The following CDK14 variants were observed in gnomAD, a reference collection of about 807,000 sequenced individuals.
CDK14 encodes the protein cyclin dependent kinase 14.
CDK14 carries 34 observed loss-of-function variants against 60.7 expected under a neutral mutation model. The observed-to-expected ratio is 0.56, with a 90% confidence interval of 0.43 to 0.75. The LOEUF (loss-of-function observed/expected upper bound fraction) is 0.75, where lower values mean the gene tolerates loss of function less well. CDK14 is among the 30% of genes least tolerant of loss of function. The probability of loss-of-function intolerance (pLI) is 0.00; values close to 1 mark genes in which losing one functional copy is unlikely to be tolerated. For synonymous variants in CDK14, 197 were observed against 203.7 expected, an observed-to-expected ratio of 0.97 and a Z score of 0.28; for missense variants, 482 against 564.1, an observed-to-expected ratio of 0.85 and a Z score of 1.47.
chr7:90,911,164 G>A (rs144776198), intron 7 of CDK14, among the ~76,000 whole-genome samples: 96 of 152,250 alleles, frequency 6.3e-4, no homozygotes, highest in African/African-American at 2.1e-3. Context: ...TATTGAATGT[G>A]TATAATACAC....
At chr7:90,895,399 T>C (rs1228148087) in intron 6 of CDK14, among the ~76,000 whole-genome samples, 151 of 8,678 alleles carry the variant, frequency 0.017, 6 homozygotes, top group South Asian at 0.062. Context: ...TCCTCTCCTC[T>C]CCTCTCCTCT....
chr7:90,764,278 T>C (rs3808223), intron 4 of CDK14, among the ~76,000 whole-genome samples: 29,049 of 152,186 alleles, frequency 0.19, 2,897 homozygotes, highest in South Asian at 0.24. Context: ...AAAATTCAAA[T>C]GACCTACTCA....
At chr7:90,643,480 C>A (rs2116450026) in intron 2 of CDK14, among the ~76,000 whole-genome samples, 1 of 152,002 alleles carries the variant, frequency 6.6e-6, no homozygotes, top group East Asian at 1.9e-4. Flanking sequence ...TGATATACAC[C>A]ATATGGAAAT....
intron 2 of CDK14, among the ~76,000 whole-genome samples, chr7:90,715,197 CA>C (rs1328681204): frequency 6.6e-6 from 1 of 151,990 alleles, no homozygotes; most frequent in East Asian, 1.9e-4. Context: ...ACAAAGAAGC[CA>C]GGGGTGGTTT....
At chr7:90,963,126 T>G (rs1794653959) in intron 9 of CDK14, among the ~76,000 whole-genome samples, 1 of 151,254 alleles carries the variant, frequency 6.6e-6, no homozygotes. Context: ...TGTGTGTGTT[T>G]TAATTTAGAA....
At chr7:91,091,906 G>T (rs375925347) in intron 12 of CDK14, among the ~76,000 whole-genome samples, 1 of 151,852 alleles carries the variant, frequency 6.6e-6, no homozygotes, top group East Asian at 1.9e-4. Flanking sequence ...TTAGTTTTAA[G>T]ACATCAGTAG....
intron 9 of CDK14, chr7:90,979,674 C>T (rs1795177784): frequency 6.6e-6 from 1 of 152,122 alleles, no homozygotes; most frequent in Non-Finnish European, 1.5e-5. Flanking sequence ...GACATACCCC[C>T]AAACCAATGT....
At chr7:90,868,146 T>A (rs545371430) in intron 6 of CDK14, among the ~76,000 whole-genome samples, 58 of 151,836 alleles carry the variant, frequency 3.8e-4, no homozygotes, top group African/African-American at 1.3e-3. Context: ...ACAAACAAAC[T>A]ATTTATATAT....
chr7:90,825,636 TA>T (rs1789696567), intron 5 of CDK14, among the ~76,000 whole-genome samples: 1 of 152,204 alleles, frequency 6.6e-6, no homozygotes, highest in Non-Finnish European at 1.5e-5. Context: ...TGTATAACCT[TA>T]AAAAATATGG....
intron 5 of CDK14, among the ~76,000 whole-genome samples, chr7:90,799,237 A>G (rs1219169981): frequency 5.3e-5 from 8 of 152,148 alleles, no homozygotes; most frequent in Admixed American, 3.3e-4. Context: ...TAAATAGACA[A>G]TATTTGGTGT....
chr7:90,725,224 G>A lies in CDK14; in HGVS notation c.124-1343G>A, dbSNP rs193205105. Among the ~76,000 whole-genome samples the A allele has an allele frequency of 2.0e-5, 3 of 152,244 alleles. No individual in the cohort carries two copies. In the East Asian group the frequency reaches 5.8e-4, roughly 29 times the overall value. On this transcript the variant is annotated intron_variant, in intron 2 of 14. Coordinates refer to ENST00000380050, the MANE Select transcript of CDK14 (RefSeq NM_001287135.2). Reference sequence around the variant, plus strand: ...TATTTATTATAAAATTCACACAAGAGTGTACCAAAAATTGCTAATCTTGCC... The same window carrying A: ...TATTTATTATAAAATTCACACAAGAATGTACCAAAAATTGCTAATCTTGCC...
intron 12 of CDK14, among the ~76,000 whole-genome samples, chr7:91,093,611 A>T (rs530130279): frequency 6.6e-6 from 1 of 152,164 alleles, no homozygotes; most frequent in Non-Finnish European, 1.5e-5. Flanking sequence ...CCTCACCATT[A>T]TCTTATTTTA....
At chr7:90,760,653 C>G (rs1358967846) in intron 4 of CDK14, among the ~76,000 whole-genome samples, 1 of 152,206 alleles carries the variant, frequency 6.6e-6, no homozygotes, top group Admixed American at 6.5e-5. Flanking sequence ...CTTCAAAGAT[C>G]AAGCCTGTAA....
chr7:90,722,652 C>A (rs889726692), intron 2 of CDK14, among the ~76,000 whole-genome samples: 3 of 151,820 alleles, frequency 2.0e-5, no homozygotes, highest in African/African-American at 7.3e-5. Context: ...GGAAAGGCGG[C>A]CCTCTTCTGT....
chr7:91,118,050 A>G lies in CDK14; in HGVS notation c.1295-15A>G, dbSNP rs368037146. ...CTATAACTATATAAATGAAAACTTCATATTCTGTCCACAGTGTCTTCTATT... is the reference window on the plus strand; with the variant it reads ...CTATAACTATATAAATGAAAACTTCGTATTCTGTCCACAGTGTCTTCTATT... On this transcript the variant is annotated splice_polypyrimidine_tract_variant and intron_variant, in intron 13 of 14. Coordinates refer to ENST00000380050, the MANE Select transcript of CDK14 (RefSeq NM_001287135.2). 13 of 1,449,294 alleles carry G rather than the reference A, an allele frequency of 9.0e-6. No individual in the cohort carries two copies. The highest frequency in any genetic ancestry group is 1.1e-5 in the Non-Finnish European group (11 of 1,039,148). The allele number at this position is 1,449,294 out of a possible 1,614,324, so 89.8% of individuals were successfully genotyped here. A position where few individuals can be genotyped will look rare whatever the true frequency, so the allele number is the denominator to read the frequency against.
chr7:90,608,253 A>G (rs559796231), intron 2 of CDK14, among the ~76,000 whole-genome samples: 1 of 152,284 alleles, frequency 6.6e-6, no homozygotes, highest in South Asian at 2.1e-4. Flanking sequence ...ATTTCTGGTG[A>G]ATTTTTGAAT....
intron 10 of CDK14, among the ~76,000 whole-genome samples, chr7:91,041,961 C>A (rs1431698571): frequency 6.6e-6 from 1 of 152,134 alleles, no homozygotes; most frequent in Non-Finnish European, 1.5e-5. Flanking sequence ...GACCACAATG[C>A]GTAGACAGAT....
At chr7:91,020,139 A>G (rs901307929) in intron 10 of CDK14, among the ~76,000 whole-genome samples, 4 of 152,198 alleles carry the variant, frequency 2.6e-5, no homozygotes, top group African/African-American at 9.6e-5. Context: ...ATATGCTTGT[A>G]ACTGCCCCCT....
At chr7:90,791,702 C>T (rs1805837149) in intron 5 of CDK14, among the ~76,000 whole-genome samples, 1 of 152,106 alleles carries the variant, frequency 6.6e-6, no homozygotes, top group Non-Finnish European at 1.5e-5. Context: ...TTAGCGGAAA[C>T]TGTTCTTATA....
Sources: allele counts gnomAD v4.1 joint callset (sites outside exome capture counted in the v4.1 genomes callset), GRCh38; gene constraint gnomAD v4.1.1; transcripts MANE v1.5; gene names NCBI Gene and HGNC (gene_info 2026-07-23, HGNC 2026-07-21).